The following SH2D4A variants were observed in gnomAD, a reference collection of about 807,000 sequenced individuals.
The protein encoded by SH2D4A is SH2 domain-containing protein 4A.
In SH2D4A, 70 loss-of-function variants were observed where a neutral mutation model predicts 64.7. That is an observed-to-expected ratio of 1.08 (90% CI 0.89 to 1.32). The LOEUF is 1.32. Among genes scored for constraint, SH2D4A ranks in the 40% most tolerant of loss-of-function variants. The pLI, the probability that SH2D4A is intolerant of heterozygous loss-of-function variation, is 0.00. For synonymous variants in SH2D4A, 268 were observed against 200.7 expected (o/e 1.34, Z -2.83); for missense variants, 706 against 540.1 (o/e 1.31, Z -3.04).
chr8:19,334,842 A>G lies in SH2D4A; in HGVS notation c.498A>G (p.Glu166=). 1 of 1,604,236 alleles carries G rather than the reference A, an allele frequency of 6.2e-7. No individual in the cohort carries two copies. Among genetic ancestry groups the G allele is most frequent in the East Asian group, 2.2e-5 (1 of 44,844 alleles). The change falls in exon 4 of 10, where the codon GAA becomes GAG. Residue 166 remains glutamate, a synonymous_variant. Transcript: ENST00000265807. ...GATCGAGGCCAGCACCAACCCTGGA[A>G]GAAGAGAAAATCCGAGTGAGTCCTT... is the stretch of plus-strand genomic sequence containing the variant. The part of the protein sequence containing the change: ...EQGSRPAPTL[E]EEKIRSLSSS...
chr8:19,391,711 A>G (rs1344931423), intron 8 of SH2D4A, among the ~76,000 whole-genome samples: 2 of 152,210 alleles, frequency 1.3e-5, no homozygotes, highest in African/African-American at 2.4e-5. Flanking sequence ...GAAAACAGAC[A>G]ATTTTTAAAA....
At chr8:19,367,127 ACAC>A (rs2053010933) in intron 7 of SH2D4A, among the ~76,000 whole-genome samples, 2 of 152,028 alleles carry the variant, frequency 1.3e-5, no homozygotes, top group Admixed American at 6.6e-5. Context: ...TTGTGTATAT[ACAC>A]CACATTTTCT....
rs915475826 is a variant in SH2D4A at position 19,393,468 on chromosome 8, C to T, written c.1199C>T (p.Ala400Val). 5 of 1,614,118 alleles carry T rather than the reference C, an allele frequency of 3.1e-6. No individual in the cohort carries two copies. The highest frequency in any genetic ancestry group is 2.7e-5 in the African/African-American group (2 of 74,948). ...GCKHFLIDAS[A>V]DAYSFLGVDQ... is the part of the protein sequence containing the mutation. ...AAACATTTCCTCATCGATGCCTCTG[C>T]AGACGCCTACAGCTTCCTGGGCGTG... is the stretch of plus-strand genomic sequence containing the variant. Residue 400 changes from alanine (A) to valine (V), a missense_variant, in exon 9 of 10, where the codon GCA becomes GTA. Coordinates refer to ENST00000265807, the MANE Select transcript of SH2D4A (RefSeq NM_022071.4).
intron 7 of SH2D4A, among the ~76,000 whole-genome samples, chr8:19,369,210 T>C (rs1488862950): frequency 6.6e-6 from 1 of 152,162 alleles, no homozygotes; most frequent in African/African-American, 2.4e-5. Flanking sequence ...ATGTTTTTGA[T>C]GTGCTGTTGG....
chr8:19,325,254 G>C (rs2052258787), intron 2 of SH2D4A, among the ~76,000 whole-genome samples: 1 of 152,098 alleles, frequency 6.6e-6, no homozygotes, highest in Non-Finnish European at 1.5e-5. Flanking sequence ...ATTCCATAGA[G>C]ATTTCCCACT....
At chr8:19,351,894 C>G (rs1585171139) in intron 4 of SH2D4A, among the ~76,000 whole-genome samples, 1 of 152,216 alleles carries the variant, frequency 6.6e-6, no homozygotes. Context: ...AGCGATTCTT[C>G]TGCCTCAGCC....
rs373086599 is a variant in SH2D4A, at chr8:19,373,543, G to A, written c.931G>A (p.Val311Met). ...TATAAATAACAGAAATCAGGGAGTG[G>A]TGAGGACACTGTCCAGCTCTGCCCA... ...PQKPLRNQGVVRTLSSSAQED... is the reference protein window; with the variant it reads ...PQKPLRNQGVMRTLSSSAQED... The change falls in exon 8 of 10, where the codon GTG becomes ATG. Residue 311 changes from valine to methionine, a missense_variant. Coordinates refer to ENST00000265807, the MANE Select transcript of SH2D4A (RefSeq NM_022071.4). 2.5e-6 allele frequency: 4 copies of A among 1,605,760 alleles called. No individual in the cohort carries two copies. The highest frequency in any genetic ancestry group is 3.4e-5 in the Admixed American group (2 of 59,120).
intron 4 of SH2D4A, among the ~76,000 whole-genome samples, chr8:19,335,953 C>G (rs993866427): frequency 6.6e-6 from 1 of 152,124 alleles, no homozygotes; most frequent in African/African-American, 2.4e-5. Context: ...ATGTCTCCAG[C>G]CCTGCAGCAC....
chr8:19,378,448 G>A (rs1463088762), intron 8 of SH2D4A, among the ~76,000 whole-genome samples: 1 of 152,058 alleles, frequency 6.6e-6, no homozygotes. Flanking sequence ...TTTGGTTGTT[G>A]TTTTGAGATG....
chr8:19,372,265 C>A (rs2053114837), intron 7 of SH2D4A, among the ~76,000 whole-genome samples: 1 of 152,162 alleles, frequency 6.6e-6, no homozygotes, highest in South Asian at 2.1e-4. Context: ...CTAGAGGGCG[C>A]TCCAAGTCCA....
intron 2 of SH2D4A, among the ~76,000 whole-genome samples, chr8:19,325,197 C>G (rs536554402): frequency 1.3e-5 from 2 of 152,302 alleles, no homozygotes; most frequent in Non-Finnish European, 2.9e-5. Context: ...CTGACCCTCA[C>G]TCACCCACCT....
intron 4 of SH2D4A, among the ~76,000 whole-genome samples, chr8:19,356,359 T>A (rs2052791655): frequency 6.6e-6 from 1 of 152,168 alleles, no homozygotes; most frequent in Non-Finnish European, 1.5e-5. Flanking sequence ...GAAATTTTAG[T>A]GACAATTTCC....
At chr8:19,316,630 A>G (rs1396122934) in intron 1 of SH2D4A, among the ~76,000 whole-genome samples, 1 of 152,192 alleles carries the variant, frequency 6.6e-6, no homozygotes, top group Non-Finnish European at 1.5e-5. Flanking sequence ...TGTGTCAAGC[A>G]CCATCAGTTC....
At position 19,344,047 on chromosome 8, in the gene SH2D4A, C is replaced by T. The variant is rs114103207; in HGVS notation, c.513+9190C>T. 2.6e-3 allele frequency among the ~76,000 whole-genome samples: 392 copies of T among 152,244 alleles called. 3 individuals are homozygous for T. The highest frequency in any genetic ancestry group is 9.0e-3 in the African/African-American group (375 of 41,542). On this transcript the variant is annotated intron_variant, in intron 4 of 9. Transcript: ENST00000265807. ...AGTCTGATGGGGTAAAGTGCTTTGT[C>T]TGGGACGAAGAAAGGTAAGTTTGAG...
At chr8:19,317,227 G>A (rs1402829994) in intron 1 of SH2D4A, among the ~76,000 whole-genome samples, 1 of 151,378 alleles carries the variant, frequency 6.6e-6, no homozygotes, top group Admixed American at 6.6e-5. Context: ...GGAGCTTGTG[G>A]ATTTCATTGG....
At chr8:19,335,503 G>C (rs1346978464) in intron 4 of SH2D4A, among the ~76,000 whole-genome samples, 1 of 152,174 alleles carries the variant, frequency 6.6e-6, no homozygotes, top group African/African-American at 2.4e-5. Flanking sequence ...AACATTTTCT[G>C]TAAAGTGCAA....
rs2053565413 is a variant in SH2D4A, at chr8:19,395,039, C to T, written c.*397C>T. 6.5e-6 allele frequency: 1 copy of T among 153,528 alleles called. No homozygotes were observed. 9.5% of individuals were successfully genotyped at this position (153,528 alleles called of 1,614,324 possible). ...TCAGGAGGTTTCAGGGGCCTGTTGA[C>T]ATGAAGTTTCGAAGTTTCATGTTGG... On this transcript the variant is annotated 3_prime_UTR_variant, in exon 10 of 10. Coordinates refer to ENST00000265807, the MANE Select transcript of SH2D4A (RefSeq NM_022071.4).
chr8:19,315,875 A>G (rs1252920724), intron 1 of SH2D4A, among the ~76,000 whole-genome samples: 2 of 152,312 alleles, frequency 1.3e-5, no homozygotes, highest in East Asian at 3.9e-4. Flanking sequence ...TTCGCTTCAC[A>G]GTAGATTATG....
At chr8:19,371,012 T>A (rs1425216348) in intron 7 of SH2D4A, among the ~76,000 whole-genome samples, 1 of 152,154 alleles carries the variant, frequency 6.6e-6, no homozygotes, top group Non-Finnish European at 1.5e-5. Context: ...TTACCTCCAT[T>A]CTCTCCTTGC....
Sources: allele counts gnomAD v4.1 joint callset (sites outside exome capture counted in the v4.1 genomes callset), GRCh38; gene constraint gnomAD v4.1.1; transcripts MANE v1.5; gene names NCBI Gene and HGNC (gene_info 2026-07-23, HGNC 2026-07-21).